Variants in MANBA observed in about 807,000 individuals in gnomAD.
MANBA encodes beta-mannosidase.
Under a neutral mutation model 111.1 loss-of-function variants are expected in MANBA, and 83 were observed. The observed-to-expected ratio is 0.75, with a 90% CI of 0.63 to 0.90. The LOEUF is 0.90. Among genes scored for constraint, MANBA ranks in the 40% least tolerant of loss-of-function variants. The probability of loss-of-function intolerance (pLI) is 0.00; values close to 1 mark genes in which losing one functional copy is unlikely to be tolerated. For missense variants in MANBA, 1,036 were observed against 1,069.0 expected (o/e 0.97, Z 0.43); for synonymous variants, 370 against 378.7 (o/e 0.98, Z 0.27).
chr4:102,664,524 G>A (rs1024055387), intron 11 of MANBA, among the ~76,000 whole-genome samples, 161 bp downstream of exon 11: 1 of 151,774 alleles, frequency 6.6e-6, no homozygotes, highest in Non-Finnish European at 1.5e-5. Context: ...AATTTTTTTT[G>A]TATTTTTAGT....
intron 1 of MANBA, 149 bp from the exon 2 acceptor site, chr4:102,726,832 C>T (rs937631208): frequency 2.0e-5 from 12 of 596,602 alleles, no homozygotes; most frequent in South Asian, 1.5e-4. Flanking sequence ...GGGGACAGAT[C>T]GTTAATACTG....
chr4:102,718,337 C>T (rs1251616750), intron 4 of MANBA, among the ~76,000 whole-genome samples: 1 of 152,014 alleles, frequency 6.6e-6, no homozygotes. Context: ...GAATTGAAGA[C>T]AAGTTGGACG....
At position 102,696,918 on chromosome 4, in the gene MANBA, A is replaced by G. The variant is rs557937894; in HGVS notation, c.674-6147T>C. On this transcript the variant is annotated intron_variant, in intron 5 of 16. Transcript: ENST00000647097. ...TACTCCTGCCAGAATCATGGGACAG[A>G]CTTAAGCAGCTGCTTTTCAAAGAGC... Among the ~76,000 whole-genome samples the G allele has an allele frequency of 3.3e-5, 5 of 152,278 alleles. No homozygotes were observed. In the East Asian group the frequency reaches 9.6e-4, roughly 29 times the overall value.
chr4:102,743,299 T>C (rs1372989233), intron 1 of MANBA, among the ~76,000 whole-genome samples: 1 of 152,240 alleles, frequency 6.6e-6, no homozygotes, highest in African/African-American at 2.4e-5. Flanking sequence ...TGAATCAGTA[T>C]ATAACTGCAC....
intron 1 of MANBA, among the ~76,000 whole-genome samples, chr4:102,731,200 G>T (rs77709271): frequency 6.6e-6 from 1 of 150,702 alleles, no homozygotes; most frequent in Non-Finnish European, 1.5e-5. Context: ...AAAAAAAAAA[G>T]ATTGGCTTCC....
At chr4:102,649,202 G>T (rs1000739283) in intron 13 of MANBA, among the ~76,000 whole-genome samples, 2 of 152,152 alleles carry the variant, frequency 1.3e-5, no homozygotes, top group Non-Finnish European at 2.9e-5. Flanking sequence ...TGTGAATAAT[G>T]CTGCTATGAA....
In MANBA at chr4:102,693,132, T is replaced by C. The variant is rs558436509; in HGVS notation, c.674-2361A>G. ...CTGAGTTAGGTTTGTTCTGATCCAG[T>C]TAATTTTGCAGGTTACTTACCGATA... On this transcript the variant is annotated intron_variant, in intron 5 of 16. Transcript: ENST00000647097. Among the ~76,000 whole-genome samples, 39 of 152,330 alleles carry C rather than the reference T, an allele frequency of 2.6e-4. No individual in the cohort carries two copies. In the South Asian group the frequency reaches 5.4e-3, roughly 21 times the overall value.
intron 7 of MANBA, among the ~76,000 whole-genome samples, chr4:102,689,286 T>C (rs1188673058): frequency 6.6e-6 from 1 of 150,738 alleles, no homozygotes; most frequent in Non-Finnish European, 1.5e-5. Flanking sequence ...GAGGTGGAGG[T>C]TGCAGTGAGC....
At chr4:102,681,731 G>A (rs1195287522) in intron 7 of MANBA, 1 of 152,154 alleles carries the variant, frequency 6.6e-6, no homozygotes. Flanking sequence ...GTATAGGGCA[G>A]GGAATGGAAG....
intron 1 of MANBA, among the ~76,000 whole-genome samples, chr4:102,744,089 T>A (rs2110207357): frequency 6.6e-6 from 1 of 152,320 alleles, no homozygotes; most frequent in Non-Finnish European, 1.5e-5. Context: ...GCCTTTTGAG[T>A]CACTTGCTAA....
chr4:102,689,511 C>T (rs1732380766), intron 7 of MANBA, 63 bp downstream of exon 7: 1 of 1,043,654 alleles, frequency 9.6e-7, no homozygotes, highest in Non-Finnish European at 1.4e-6. Flanking sequence ...CCATGAAGAT[C>T]TGTATTACTA....
rs1002428801 is a variant in MANBA at position 102,686,192 on chromosome 4, G to GTA, written c.960+3381_960+3382insTA. Among the ~76,000 whole-genome samples the GTA allele has an allele frequency of 2.0e-5, 3 of 150,830 alleles. 1 individual carries two copies. The highest frequency in any genetic ancestry group is 1.3e-4 in the Admixed American group (2 of 15,144). On this transcript the variant is annotated intron_variant, in intron 7 of 16. Coordinates refer to ENST00000647097, the MANE Select transcript of MANBA (RefSeq NM_005908.4). The stretch of plus-strand genomic sequence containing the variant: ...AAATGTGTGAAAAGAACTAGGAAAT[G>GTA]TGTGTGTGTGTGTGTGTGTCTACCC...
At chr4:102,670,162 A>AG (rs1731429612) in intron 9 of MANBA, among the ~76,000 whole-genome samples, 1 of 56,886 alleles carries the variant, frequency 1.8e-5, no homozygotes, top group Non-Finnish European at 5.4e-5. Flanking sequence ...ATCAAAAAAA[A>AG]AAAAAAAAAA....
At chr4:102,679,548 G>T (rs968173059) in intron 7 of MANBA, 2 of 151,796 alleles carry the variant, frequency 1.3e-5, no homozygotes, top group African/African-American at 4.8e-5. Context: ...TAAACAAAGG[G>T]AATAACATAT....
intron 13 of MANBA, among the ~76,000 whole-genome samples, chr4:102,640,184 G>A (rs1201164867): frequency 6.6e-6 from 1 of 152,104 alleles, no homozygotes; most frequent in African/African-American, 2.4e-5. Context: ...CTATTCCAGA[G>A]CAAATGCTAT....
intron 1 of MANBA, among the ~76,000 whole-genome samples, chr4:102,757,945 AC>A (rs1405174554): frequency 1.3e-5 from 2 of 152,034 alleles, no homozygotes; most frequent in African/African-American, 4.8e-5. Context: ...TATTCCTGAA[AC>A]TTGTCAAGCT....
chr4:102,712,180 T>C (rs1363683000), intron 5 of MANBA, among the ~76,000 whole-genome samples: 2 of 152,236 alleles, frequency 1.3e-5, no homozygotes, highest in Non-Finnish European at 2.9e-5. Context: ...ACATACCCCA[T>C]AAATATGTAC....
chr4:102,654,477 T>C (rs1391619279), intron 12 of MANBA, among the ~76,000 whole-genome samples: 1 of 152,214 alleles, frequency 6.6e-6, no homozygotes, highest in African/African-American at 2.4e-5. Context: ...AACTTCAATG[T>C]GTATAAGCAA....
chr4:102,717,000 A>C (rs1188471282), intron 4 of MANBA, among the ~76,000 whole-genome samples: 1 of 152,242 alleles, frequency 6.6e-6, no homozygotes, highest in East Asian at 1.9e-4. Flanking sequence ...TCAGAATGAA[A>C]ACCATCTTGG....
Sources: allele counts gnomAD v4.1 joint callset (sites outside exome capture counted in the v4.1 genomes callset), GRCh38; gene constraint gnomAD v4.1.1; transcripts MANE v1.5; gene names NCBI Gene and HGNC (gene_info 2026-07-23, HGNC 2026-07-21).